Variants in SUSD1 observed in about 807,000 individuals in gnomAD.
The protein encoded by SUSD1 is sushi domain containing 1.
A neutral mutation model predicts 86.9 loss-of-function variants in SUSD1; 65 were observed. The observed-to-expected ratio is 0.75, with a 90% CI of 0.61 to 0.92. SUSD1 has a LOEUF of 0.92. SUSD1 is among the 40% of genes least tolerant of loss of function. SUSD1 has a pLI of 0.00. For synonymous variants in SUSD1, 346 were observed against 350.0 expected (o/e 0.99, Z 0.13); for missense variants, 850 against 929.7 (o/e 0.91, Z 1.11).
At chr9:112,138,281 G>GTGTATATACATATATATATATGTATATAC (rs1491304710) in intron 5 of SUSD1, among the ~76,000 whole-genome samples, 18 of 47,240 alleles carry the variant, frequency 3.8e-4, no homozygotes, top group East Asian at 9.4e-4. Context: ...ATATATATAT[G>GTGTATATACATATATATATATGTATATAC]AAGTCCAGGA....
At chr9:112,080,624 G>T (rs1829724049) in intron 10 of SUSD1, among the ~76,000 whole-genome samples, 1 of 150,842 alleles carries the variant, frequency 6.6e-6, no homozygotes, top group Non-Finnish European at 1.5e-5. Context: ...GGAGGCGGGG[G>T]TTGCAGTCAG....
intron 2 of SUSD1, among the ~76,000 whole-genome samples, chr9:112,153,985 C>T (rs372281919): frequency 6.6e-6 from 1 of 152,194 alleles, no homozygotes; most frequent in South Asian, 2.1e-4. Context: ...CTTATACCAG[C>T]ATCACTACAA....
intron 6 of SUSD1, among the ~76,000 whole-genome samples, chr9:112,122,659 C>G (rs1444781908): frequency 1.3e-5 from 2 of 152,086 alleles, no homozygotes; most frequent in Non-Finnish European, 2.9e-5. Context: ...AAAACAGGGT[C>G]TCAAAGAGAG....
intron 6 of SUSD1, among the ~76,000 whole-genome samples, chr9:112,115,977 C>A (rs1050228180): frequency 6.6e-6 from 1 of 152,104 alleles, no homozygotes; most frequent in Non-Finnish European, 1.5e-5. Context: ...GGCCTCTACC[C>A]TCTTTGCTGC....
At chr9:112,104,397 A>C (rs1234571040) in intron 8 of SUSD1, among the ~76,000 whole-genome samples, 1 of 151,922 alleles carries the variant, frequency 6.6e-6, no homozygotes, top group Non-Finnish European at 1.5e-5. Context: ...ACTGCTAATA[A>C]TAATAATAGT....
At chr9:112,139,988 G>A (rs2131744404) in intron 5 of SUSD1, among the ~76,000 whole-genome samples, 1 of 152,280 alleles carries the variant, frequency 6.6e-6, no homozygotes, top group African/African-American at 2.4e-5. Context: ...CACTGTGGGA[G>A]GCAGAGACAG....
At chr9:112,042,941 A>AAAAATTATAACTGAG (rs6151124) in intron 15 of SUSD1, among the ~76,000 whole-genome samples, 45,635 of 151,566 alleles carry the variant, frequency 0.3, 8,383 homozygotes, top group African/African-American at 0.5. Context: ...CCGCCTTTTT[A>AAAAATTATAACTGAG]AAAATTATAA....
At chr9:112,154,842 G>A (rs2060630760) in intron 2 of SUSD1, among the ~76,000 whole-genome samples, 1 of 152,152 alleles carries the variant, frequency 6.6e-6, no homozygotes, top group Non-Finnish European at 1.5e-5. Context: ...ATCTATGTAA[G>A]GCAAAGTCTC....
intron 1 of SUSD1, among the ~76,000 whole-genome samples, chr9:112,161,820 CAAA>C (rs11354546): frequency 2.3e-3 from 276 of 119,526 alleles, no homozygotes; most frequent in African/African-American, 7.6e-3. Context: ...AGACTCCATC[CAAA>C]AAAAAAAAAA....
intron 9 of SUSD1, among the ~76,000 whole-genome samples, chr9:112,100,890 A>ACACACACACACACACACACAC (rs59699795): frequency 6.6e-6 from 1 of 151,316 alleles, no homozygotes; most frequent in African/African-American, 2.4e-5. Flanking sequence ...ACACACACAC[A>ACACACACACACACACACACAC]AATAAAATCT....
chr9:112,078,811 C>CATTTTT, intron 11 of SUSD1, 87 bp from the exon 12 acceptor site: 3 of 640,366 alleles, frequency 4.7e-6, no homozygotes, highest in Non-Finnish European at 4.6e-6. Context: ...TTTTCTTTCT[C>CATTTTT]TTTTTTTTTT....
intron 1 of SUSD1, among the ~76,000 whole-genome samples, chr9:112,163,356 AG>A (rs1190881048): frequency 6.6e-6 from 1 of 152,062 alleles, no homozygotes; most frequent in Non-Finnish European, 1.5e-5. Flanking sequence ...TTTTAGAGAC[AG>A]GATCCCACTA....
intron 6 of SUSD1, among the ~76,000 whole-genome samples, chr9:112,118,328 T>A (rs1238399581): frequency 1.3e-5 from 2 of 152,202 alleles, no homozygotes; most frequent in African/African-American, 4.8e-5. Flanking sequence ...CAGTGCCTAC[T>A]TGAATAAATG....
At chr9:112,060,126 T>C (rs1828649428) in intron 13 of SUSD1, among the ~76,000 whole-genome samples, 1 of 152,114 alleles carries the variant, frequency 6.6e-6, no homozygotes, top group African/African-American at 2.4e-5. Flanking sequence ...ACGCCCTATC[T>C]CCTGCTTCCT....
At chr9:112,056,622 T>G (rs888342540) in intron 14 of SUSD1, among the ~76,000 whole-genome samples, 1 of 152,210 alleles carries the variant, frequency 6.6e-6, no homozygotes, top group Non-Finnish European at 1.5e-5. Flanking sequence ...TTTAACATCC[T>G]AAAGAATAAC....
chr9:112,073,345 G>A (rs138810137), intron 12 of SUSD1, among the ~76,000 whole-genome samples: 1,939 of 152,126 alleles, frequency 0.013, 35 homozygotes, highest in African/African-American at 0.044. Context: ...TCTTCCCTTT[G>A]CTCCTCCAGC....
intron 3 of SUSD1, among the ~76,000 whole-genome samples, chr9:112,146,371 T>C (rs575211944): frequency 3.3e-5 from 5 of 152,278 alleles, no homozygotes; most frequent in African/African-American, 9.6e-5. Context: ...CTGAGTTGTA[T>C]ACATCAAAAG....
At chr9:112,171,542 G>A (rs1042240101) in intron 1 of SUSD1, among the ~76,000 whole-genome samples, 2 of 152,174 alleles carry the variant, frequency 1.3e-5, no homozygotes, top group Non-Finnish European at 2.9e-5. Context: ...AAGAGAAGCG[G>A]ATAGTGGCAA....
intron 1 of SUSD1, among the ~76,000 whole-genome samples, chr9:112,174,155 C>CG (rs1401027105): frequency 1.3e-5 from 2 of 152,178 alleles, no homozygotes; most frequent in South Asian, 2.1e-4. Context: ...CCTTCTCCCC[C>CG]GGGCCTGAAT....
Sources: gnomAD v4.1 joint callset for allele counts (sites outside exome capture counted in the v4.1 genomes callset) on GRCh38, gnomAD v4.1.1 for gene constraint, MANE v1.5 for transcripts, NCBI Gene and HGNC (gene_info 2026-07-23, HGNC 2026-07-21) for gene names.